EPHA2: variants seen among roughly 807,000 people sequenced by gnomAD.
EPHA2 encodes ephrin type-A receptor 2.
In EPHA2, 54 loss-of-function variants were observed where a neutral mutation model predicts 104.9. The ratio of observed to expected loss-of-function variants is 0.51; its 90% CI spans 0.41 to 0.65. EPHA2 has a LOEUF of 0.65. Ranked by LOEUF, EPHA2 falls within the 30% of genes least tolerant of loss-of-function variation. The pLI, the probability that EPHA2 is intolerant of heterozygous loss-of-function variation, is 0.00. For missense variants in EPHA2, 1,117 were observed against 1,369.5 expected (o/e 0.82, Z 2.91); for synonymous variants, 560 against 559.1 (o/e 1.00, Z -0.02).
Position 16,135,528 on chromosome 1 carries a change from C to A in EPHA2, c.1428+127G>T. ...ATGTAACCCCCTGGCAGACCCCAGGCCTCAGTTTCCCCATCTGCAGAAGGG... is the reference window on the plus strand; with the variant it reads ...ATGTAACCCCCTGGCAGACCCCAGGACTCAGTTTCCCCATCTGCAGAAGGG... On this transcript the variant is annotated intron_variant, in intron 6 of 16. Coordinates refer to ENST00000358432, the MANE Select transcript of EPHA2 (RefSeq NM_004431.5). This position sits in a 1 kb window ranked among gnomAD's most constrained non-coding sequence, Gnocchi z 4.3. 2.2e-6 allele frequency: 2 copies of A among 920,208 alleles called. 1 individual carries two copies. The highest frequency in any genetic ancestry group is 2.7e-5 in the South Asian group (2 of 73,908). 57.0% of individuals were successfully genotyped at this position (920,208 alleles called of 1,614,324 possible). A position where few individuals can be genotyped will look rare whatever the true frequency, so the allele number is the denominator to read the frequency against.
chr1:16,137,921 C>A lies in EPHA2; in HGVS notation c.1244G>T (p.Arg415Leu), dbSNP rs1452087067. Residue 415 changes from arginine (R) to leucine (L), a missense_variant, in exon 5 of 17, where the codon CGC becomes CTC. By Grantham distance (102) the Arg-to-Leu change is moderately radical (BLOSUM62 -2). Transcript: ENST00000358432. ...HMNYTFTVEA[R>L]NGVSGLVTSR... ...GGTTACCAGGCCTGAGACGCCATTG[C>A]GGGCCTCCACGGTGAAGGTGTAGTT... The A allele has an allele frequency of 1.2e-6, 2 of 1,614,066 alleles. No homozygotes were observed. The highest frequency in any genetic ancestry group is 8.5e-7 in the Non-Finnish European group (1 of 1,180,032).
Position 16,148,622 on chromosome 1 carries a change from G to A in EPHA2, c.579C>T (p.Ser193=), listed in dbSNP as rs745413370. 3.1e-6 allele frequency: 5 copies of A among 1,608,568 alleles called. No individual in the cohort carries two copies. The highest frequency in any genetic ancestry group is 2.2e-5 in the East Asian group (1 of 44,906). ...GGCACTTCTTGTAGTAGACACGGAC[G>A]GAGAGCAGCGCCACACAGGCACCGA... ...QDIGACVALL[S]VRVYYKKCPE... The change falls in exon 3 of 17, where the codon TCC becomes TCT. Residue 193 remains serine (S), a synonymous_variant. Coordinates refer to ENST00000358432, the MANE Select transcript of EPHA2 (RefSeq NM_004431.5). The surrounding 1 kb of genome is among the most constrained non-coding windows in gnomAD (Gnocchi z 4.9).
rs142886066 is a variant in EPHA2, at chr1:16,149,026, T to A, written c.175A>T (p.Met59Leu). The change falls in exon 3 of 17, where the codon ATG (methionine) becomes TTG (leucine). Residue 59 changes from methionine to leucine, a missense_variant. By Grantham distance (15) the Met-to-Leu change is conservative. Around this residue, in one of 3 missense-constraint regions of EPHA2, gnomAD observed 664 missense variants for 784.8 expected, o/e 0.85. Transcript: ENST00000358432. ...TACATGTAGATCGGCATGTCATTCATGATGTTCTGCATCAGGTCCCACTGT... is the reference window on the plus strand; with the variant it reads ...TACATGTAGATCGGCATGTCATTCAAGATGTTCTGCATCAGGTCCCACTGT... ...GKGWDLMQNIMNDMPIYMYSV... is the reference protein window; with the variant it reads ...GKGWDLMQNILNDMPIYMYSV... 1.2e-5 allele frequency: 20 copies of A among 1,613,512 alleles called. No homozygotes were observed. In the African/African-American group the frequency reaches 2.3e-4, roughly 18 times the overall value.
At chr1:16,144,695 C>T (rs2024894052) in intron 3 of EPHA2, among the ~76,000 whole-genome samples, 1 of 152,234 alleles carries the variant, frequency 6.6e-6, no homozygotes, top group Non-Finnish European at 1.5e-5. Flanking sequence ...GTCCAGCCCA[C>T]TCATTTTACA....
intron 3 of EPHA2, among the ~76,000 whole-genome samples, chr1:16,146,925 G>C (rs988267261): frequency 2.0e-5 from 3 of 152,204 alleles, no homozygotes; most frequent in Non-Finnish European, 1.5e-5. Flanking sequence ...CAGAGATGAG[G>C]GGGGAGTTAG....
intron 3 of EPHA2, among the ~76,000 whole-genome samples, chr1:16,146,028 G>GTAGC (rs1182252902): frequency 6.6e-6 from 1 of 152,186 alleles, no homozygotes; most frequent in African/African-American, 2.4e-5. Context: ...CCCGTCTACG[G>GTAGC]TAGCGACTGT....
chr1:16,148,397 C>A lies in EPHA2; in HGVS notation c.804G>T (p.Lys268Asn). The change falls in exon 3 of 17, where the codon AAG (lysine) becomes AAT (asparagine). Residue 268 changes from lysine to asparagine, a missense_variant. By Grantham distance (94) the Lys-to-Asn change is moderately conservative. Coordinates refer to ENST00000358432, the MANE Select transcript of EPHA2 (RefSeq NM_004431.5). The surrounding 1 kb of genome is among the most constrained non-coding windows in gnomAD (Gnocchi z 4.9). ...GQCLCQAGYE[K>N]VEDACQACSP... ...ACTCACCCTGGCAGGCATCCTCCAC[C>A]TTCTCGTAGCCTGCCTGGCACAGGC... is the stretch of plus-strand genomic sequence containing the variant. The A allele has an allele frequency of 3.7e-6, 6 of 1,613,746 alleles. No homozygotes were observed. The highest frequency in any genetic ancestry group is 5.1e-6 in the Non-Finnish European group (6 of 1,180,038).
chr1:16,153,907 A>C (rs1569620356), intron 1 of EPHA2, among the ~76,000 whole-genome samples: 1 of 150,106 alleles, frequency 6.7e-6, no homozygotes, highest in African/African-American at 2.5e-5. Flanking sequence ...CATCATGCCC[A>C]CCCCCACCTA....
chr1:16,135,193 T>C lies in EPHA2; in HGVS notation c.1429-4A>G, dbSNP rs374403114. On this transcript the variant is annotated splice_polypyrimidine_tract_variant and splice_region_variant and intron_variant, in intron 6 of 16. Transcript: ENST00000358432. The surrounding 1 kb of genome is among the most constrained non-coding windows in gnomAD (Gnocchi z 4.3). ...CATTGTAGCTGTTGGAGTCTCCCTG[T>C]GGGTGGGTGGCCGGCGGAGGAGCAG... 497 of 1,613,468 alleles carry C rather than the reference T, an allele frequency of 3.1e-4. 4 individuals carry two copies. In the South Asian group the frequency reaches 4.3e-3, roughly 14 times the overall value.
chr1:16,131,986 C>T lies in EPHA2; in HGVS notation c.2325+78G>A. The T allele has an allele frequency of 6.2e-7, 1 of 1,610,770 alleles. No individual in the cohort carries two copies. Among genetic ancestry groups the T allele is most frequent in the South Asian group, 1.1e-5 (1 of 90,922 alleles). Reference sequence around the variant, plus strand: ...TACAGGTGTTCTGCCTCCTGAAGCACTGCCCAGGTGTGCAGGTGAGAGGAC... The same window carrying T: ...TACAGGTGTTCTGCCTCCTGAAGCATTGCCCAGGTGTGCAGGTGAGAGGAC... On this transcript the variant is annotated intron_variant, in intron 13 of 16. Coordinates refer to ENST00000358432, the MANE Select transcript of EPHA2 (RefSeq NM_004431.5). The surrounding 1 kb of genome is among the most constrained non-coding windows in gnomAD (Gnocchi z 5.2).
intron 11 of EPHA2, 99 bp downstream of exon 11, chr1:16,133,081 G>A (rs2024609549): frequency 1.3e-6 from 2 of 1,509,424 alleles, no homozygotes; most frequent in Admixed American, 3.7e-5. Flanking sequence ...GGTGTGGGGG[G>A]AAGGTGGGCA....
chr1:16,154,640 A>G (rs11584989), intron 1 of EPHA2, among the ~76,000 whole-genome samples: 42 of 150,842 alleles, frequency 2.8e-4, no homozygotes, highest in Admixed American at 7.3e-4. Flanking sequence ...CTGTAATCCC[A>G]GCTACTAGGG....
Position 16,133,574 on chromosome 1 carries a change from G to A in EPHA2, c.1771C>T (p.Pro591Ser). 1 of 1,614,104 alleles carries A rather than the reference G, an allele frequency of 6.2e-7. No individual in the cohort carries two copies. Among genetic ancestry groups the A allele is most frequent in the Non-Finnish European group, 8.5e-7 (1 of 1,179,974 alleles). ...TGGTTGGGGTCCTCATATGTGTGGG[G>A]GTCCACGTATGTCTTCAGGGGCTTC... ...QLKPLKTYVD[P>S]HTYEDPNQAV... Residue 591 changes from proline (P) to serine (S), a missense_variant, in exon 10 of 17, where the codon CCC (proline) becomes TCC (serine). Pro to Ser is a moderately conservative substitution (Grantham distance 74). Around this residue, in one of 3 missense-constraint regions of EPHA2, gnomAD observed 113 missense variants for 104.3 expected, o/e 1.08. Transcript: ENST00000358432.
intron 2 of EPHA2, among the ~76,000 whole-genome samples, chr1:16,149,524 A>T (rs930255458): frequency 2.0e-5 from 3 of 152,190 alleles, no homozygotes; most frequent in African/African-American, 7.2e-5. Flanking sequence ...GTGTTGGCAA[A>T]CGCAGGAGTG....
chr1:16,132,219 C>G lies in EPHA2; in HGVS notation c.2170G>C (p.Ala724Pro). ...TTGGCCAGGTACTTCATGCCAGCTG[C>G]GATGCCCCGCAGCATGCCCACCAGC... The part of the protein sequence containing the change: ...LQLVGMLRGI[A>P]AGMKYLANMN... Residue 724 changes from alanine (A) to proline (P), a missense_variant, in exon 13 of 17, where the codon GCA (alanine) becomes CCA (proline). Coordinates refer to ENST00000358432, the MANE Select transcript of EPHA2 (RefSeq NM_004431.5). 6.2e-7 allele frequency: 1 copy of G among 1,614,194 alleles called. No homozygotes were observed. The highest frequency in any genetic ancestry group is 2.2e-5 in the East Asian group (1 of 44,894).
rs780924846 is a variant in EPHA2 at position 16,148,621 on chromosome 1, C to A, written c.580G>T (p.Val194Phe). Residue 194 changes from valine to phenylalanine, a missense_variant, in exon 3 of 17, where the codon GTC becomes TTC. Coordinates refer to ENST00000358432, the MANE Select transcript of EPHA2 (RefSeq NM_004431.5). The surrounding 1 kb of genome is among the most constrained non-coding windows in gnomAD (Gnocchi z 4.9). ...GGGCACTTCTTGTAGTAGACACGGA[C>A]GGAGAGCAGCGCCACACAGGCACCG... Reference protein sequence around the residue: ...DIGACVALLSVRVYYKKCPEL... With the variant: ...DIGACVALLSFRVYYKKCPEL... 1 of 1,608,476 alleles carries A rather than the reference C, an allele frequency of 6.2e-7. No individual in the cohort carries two copies. The highest frequency in any genetic ancestry group is 8.5e-7 in the Non-Finnish European group (1 of 1,179,986).
In EPHA2 at chr1:16,135,749, T is replaced by A. The variant is rs144075562; in HGVS notation, c.1334A>T (p.Glu445Val). 28 of 1,612,750 alleles carry A rather than the reference T, an allele frequency of 1.7e-5. No homozygotes were observed. The African/African-American group carries it at 3.6e-4, about 21-fold the overall frequency. The change falls in exon 6 of 17, where the codon GAG becomes GTG. Residue 445 changes from glutamate to valine, a missense_variant. Glu to Val is a moderately radical substitution (Grantham distance 121). This residue lies in a region of EPHA2 where 664 missense variants were observed against 784.8 expected (regional missense o/e 0.85). Transcript: ENST00000358432. The surrounding 1 kb of genome is among the most constrained non-coding windows in gnomAD (Gnocchi z 4.3). ...GCTAAGCGAGGTGGTGCTGCGGCCCTCCAGCCTCACCTTGGGGGGCTCTGG... is the reference window on the plus strand; with the variant it reads ...GCTAAGCGAGGTGGTGCTGCGGCCCACCAGCCTCACCTTGGGGGGCTCTGG... ...NQTEPPKVRL[E>V]GRSTTSLSVS...
At chr1:16,152,126 G>A (rs1052738031) in intron 1 of EPHA2, among the ~76,000 whole-genome samples, 1 of 152,218 alleles carries the variant, frequency 6.6e-6, no homozygotes, top group Non-Finnish European at 1.5e-5. Context: ...TAAGGTGGGG[G>A]TAAAGAAACC....
At chr1:16,129,616 G>A (rs775895850) in intron 15 of EPHA2, 27 bp from the exon 16 acceptor site, 141 of 1,597,844 alleles carry the variant, frequency 8.8e-5, no homozygotes, top group Non-Finnish European at 1.2e-4. Context: ...TGCAGGTGAG[G>A]GGCTGCAGCA....
Sources: allele counts gnomAD v4.1 joint callset (sites outside exome capture counted in the v4.1 genomes callset), GRCh38; gene constraint gnomAD v4.1.1; regional missense constraint gnomAD v4.1.1; non-coding constraint Gnocchi (gnomAD v3.1); transcripts MANE v1.5; gene names NCBI Gene and HGNC (gene_info 2026-07-23, HGNC 2026-07-21).